LMBR1: variants seen among roughly 807,000 people sequenced by gnomAD.
LMBR1 encodes the protein limb development membrane protein 1.
A neutral mutation model predicts 73.9 loss-of-function variants in LMBR1; 52 were observed. The ratio of observed to expected loss-of-function variants is 0.70; its 90% confidence interval spans 0.56 to 0.89. The LOEUF (loss-of-function observed/expected upper bound fraction) is 0.89, where lower values mean the gene tolerates loss of function less well. Ranked by LOEUF, LMBR1 falls within the 40% of genes least tolerant of loss-of-function variation. LMBR1 has a pLI of 0.00. For missense variants in LMBR1, 539 were observed against 579.8 expected (o/e 0.93, Z 0.72); for synonymous variants, 215 against 209.4 (o/e 1.03, Z -0.23).
At chr7:156,855,666 C>CAAAAAAAAA (rs35231167) in intron 1 of LMBR1, among the ~76,000 whole-genome samples, 17 of 87,244 alleles carry the variant, frequency 1.9e-4, no homozygotes, top group Non-Finnish European at 3.1e-4. Flanking sequence ...AACGTAAATA[C>CAAAAAAAAA]AAAAAAAAAA....
chr7:156,752,083 C>T (rs914523937), intron 9 of LMBR1, among the ~76,000 whole-genome samples: 6 of 152,002 alleles, frequency 3.9e-5, no homozygotes, highest in Admixed American at 2.0e-4. Flanking sequence ...AAAAGCAGCC[C>T]GTTAAATAAA....
intron 9 of LMBR1, among the ~76,000 whole-genome samples, chr7:156,735,181 G>T (rs537945580): frequency 1.3e-4 from 20 of 152,246 alleles, no homozygotes; most frequent in African/African-American, 4.8e-4. Flanking sequence ...AACATTTATA[G>T]AAGGTTACTT....
chr7:156,704,300 G>A (rs138328994), intron 15 of LMBR1, among the ~76,000 whole-genome samples: 2 of 151,926 alleles, frequency 1.3e-5, no homozygotes, highest in Non-Finnish European at 2.9e-5. Context: ...ACCAATAACC[G>A]CCCCATAACA....
rs1408253067 is a variant in LMBR1, at chr7:156,678,903, A to C, written c.*5175T>G. 6.6e-6 allele frequency: 1 copy of C among 152,206 alleles called. No individual in the cohort carries two copies. The highest frequency in any genetic ancestry group is 1.5e-5 in the Non-Finnish European group (1 of 68,026). 9.4% of individuals were successfully genotyped at this position (152,206 alleles called of 1,614,324 possible). A position where few individuals can be genotyped will look rare whatever the true frequency, so the allele number is the denominator to read the frequency against. On this transcript the variant is annotated 3_prime_UTR_variant, in exon 17 of 17. Coordinates refer to ENST00000353442, the MANE Select transcript of LMBR1 (RefSeq NM_022458.4). ...AATCACTATCAAGTCCAGAAAGAGA[A>C]TTCTTAGCGAATTGTGGGACTGGAG...
intron 1 of LMBR1, among the ~76,000 whole-genome samples, chr7:156,875,390 A>G (rs988849118): frequency 3.3e-5 from 5 of 152,238 alleles, no homozygotes; most frequent in African/African-American, 1.2e-4. Context: ...TTTGGAAAAC[A>G]TATTTGGAGG....
downstream of LMBR1, chr7:156,677,163 CTG>C (rs1370109608): frequency 6.5e-6 from 1 of 152,878 alleles, no homozygotes; most frequent in Non-Finnish European, 1.5e-5. Context: ...GCAATAAAGA[CTG>C]TTTTAGTTCA....
At chr7:156,697,671 C>T (rs990717230) in intron 15 of LMBR1, among the ~76,000 whole-genome samples, 7 of 152,114 alleles carry the variant, frequency 4.6e-5, no homozygotes, top group African/African-American at 1.4e-4. Context: ...CTCTTTCTGC[C>T]CGACCCCGCA....
chr7:156,693,921 A>C (rs1410014849), intron 15 of LMBR1, among the ~76,000 whole-genome samples: 1 of 152,176 alleles, frequency 6.6e-6, no homozygotes, highest in East Asian at 1.9e-4. Context: ...ACCTAACTCA[A>C]CAACACATTA....
chr7:156,818,643 A>C (rs1168655355), intron 4 of LMBR1, among the ~76,000 whole-genome samples: 1 of 152,208 alleles, frequency 6.6e-6, no homozygotes, highest in Non-Finnish European at 1.5e-5. Flanking sequence ...TGAACTGTTC[A>C]TTTGCAATGG....
chr7:156,742,075 A>G (rs1267284045), intron 9 of LMBR1, among the ~76,000 whole-genome samples: 2 of 152,164 alleles, frequency 1.3e-5, no homozygotes, highest in African/African-American at 4.8e-5. Flanking sequence ...TAAGGGGTAA[A>G]TTGAAAACTT....
chr7:156,781,456 G>C (rs1328358355), intron 5 of LMBR1, among the ~76,000 whole-genome samples: 1 of 151,892 alleles, frequency 6.6e-6, no homozygotes, highest in Non-Finnish European at 1.5e-5. Flanking sequence ...ATAAATAATA[G>C]CTACTTTGGG....
chr7:156,823,907 G>A (rs533266888), intron 4 of LMBR1: 30 of 152,268 alleles, frequency 2.0e-4, no homozygotes, highest in South Asian at 6.2e-4. Context: ...TGGCTAACAC[G>A]GTGAAACCAG....
intron 15 of LMBR1, among the ~76,000 whole-genome samples, chr7:156,723,473 TGG>T (rs1815052341): frequency 1.3e-5 from 2 of 152,166 alleles, no homozygotes; most frequent in Non-Finnish European, 2.9e-5. Flanking sequence ...ACTCAGAATA[TGG>T]TCTACAATAG....
intron 5 of LMBR1, among the ~76,000 whole-genome samples, chr7:156,773,469 A>G (rs2133083983): frequency 6.6e-6 from 1 of 152,340 alleles, no homozygotes; most frequent in East Asian, 1.9e-4. Flanking sequence ...TAACCAAACG[A>G]GCATGGTACT....
chr7:156,725,484 C>G lies in LMBR1; in HGVS notation c.1109G>C (p.Arg370Pro), dbSNP rs200345135. The G allele has an allele frequency of 6.2e-7, 1 of 1,610,464 alleles. No individual in the cohort carries two copies. The highest frequency in any genetic ancestry group is 8.5e-7 in the Non-Finnish European group (1 of 1,177,956). The change falls in exon 14 of 17, where the codon CGA (arginine) becomes CCA (proline). Residue 370 changes from arginine (R) to proline (P), a missense_variant. Around this residue, in one of 3 missense-constraint regions of LMBR1, gnomAD observed 454 missense variants for 473.4 expected, o/e 0.96. Transcript: ENST00000353442. ...VSSVVGFYSL[R>P]FFGNFTPKKD... is the part of the protein sequence containing the mutation. ...CTTGGGAGTAAAGTTTCCAAAAAAT[C>G]GAAGGCTATAGAAGCCGACAACAGA...
intron 1 of LMBR1, among the ~76,000 whole-genome samples, chr7:156,882,797 C>G (rs1322159740): frequency 1.3e-5 from 2 of 152,200 alleles, no homozygotes; most frequent in Non-Finnish European, 2.9e-5. Flanking sequence ...CTCTGAGAGG[C>G]CGAGGCAGGC....
chr7:156,886,520 GGC>G (rs1242240951), intron 1 of LMBR1, among the ~76,000 whole-genome samples: 2 of 152,290 alleles, frequency 1.3e-5, no homozygotes, highest in East Asian at 1.9e-4. Flanking sequence ...TCTGTAAACT[GGC>G]CAGAACCAGT....
chr7:156,725,604 G>A, intron 13 of LMBR1, 79 bp from the exon 14 acceptor site: 1 of 1,256,726 alleles, frequency 8.0e-7, no homozygotes, highest in Non-Finnish European at 1.1e-6. Context: ...AAGTCTTAAG[G>A]CCCATAGGAA....
At chr7:156,884,453 A>G (rs1801572873) in intron 1 of LMBR1, among the ~76,000 whole-genome samples, 1 of 152,136 alleles carries the variant, frequency 6.6e-6, no homozygotes, top group Admixed American at 6.5e-5. Context: ...ATCCTGGCTA[A>G]CAGGAATGAC....
Sources: allele counts gnomAD v4.1 joint callset (sites outside exome capture counted in the v4.1 genomes callset), GRCh38; gene constraint gnomAD v4.1.1; regional missense constraint gnomAD v4.1.1; transcripts MANE v1.5; gene names NCBI Gene and HGNC (gene_info 2026-07-23, HGNC 2026-07-21).